RBFOX1: variants seen among roughly 807,000 people sequenced by gnomAD.
The protein encoded by RBFOX1 is RNA binding fox-1 homolog 1.
In RBFOX1, 8 loss-of-function variants were observed where a neutral mutation model predicts 57.7. The observed-to-expected ratio is 0.14, with a 90% CI of 0.08 to 0.25. The LOEUF (loss-of-function observed/expected upper bound fraction) is 0.25. Among genes scored for constraint, RBFOX1 ranks in the 10% least tolerant of loss-of-function variants. RBFOX1 has a pLI of 1.00. For missense variants in RBFOX1, 611 were observed against 548.5 expected, an observed-to-expected ratio of 1.11 and a Z score of -1.14; for synonymous variants, 326 against 222.4, an observed-to-expected ratio of 1.47 and a Z score of -4.15.
At position 5,504,077 on chromosome 16, in the gene RBFOX1, C is replaced by A. The variant is rs114637777; in HGVS notation, c.258+36823C>A. On this transcript the variant is annotated intron_variant, in intron 2 of 2. Coordinates refer to the RBFOX1 transcript ENST00000585867. ...CTTCCTGGCATCTGGAGCAGCATCT[C>A]CAGAGGGCGATGGCTGGGGGCGGAG... Among the ~76,000 whole-genome samples the A allele has an allele frequency of 8.1e-3, 1,240 of 152,310 alleles. 14 individuals are homozygous for A. The highest frequency in any genetic ancestry group is 0.043 in the East Asian group (222 of 5,176).
At chr16:6,426,098 C>T (rs1159492908) in intron 2 of RBFOX1, among the ~76,000 whole-genome samples, 2 of 151,888 alleles carry the variant, frequency 1.3e-5, no homozygotes, top group Non-Finnish European at 2.9e-5. Context: ...CTCTCTCTCT[C>T]TCTCTCTCCC....
intron 3 of RBFOX1, among the ~76,000 whole-genome samples, chr16:6,931,411 G>A (rs2076542065): frequency 6.6e-6 from 1 of 151,550 alleles, no homozygotes; most frequent in Non-Finnish European, 1.5e-5. Context: ...ATGTGTGCAT[G>A]AACCACTAAA....
rs57556084 is a variant in RBFOX1 at position 6,925,109 on chromosome 16, G to GTTTTTTTTTTTT, written c.-15-126917_-15-126906dup. 4.4e-4 allele frequency among the ~76,000 whole-genome samples: 20 copies of GTTTTTTTTTTTT among 45,250 alleles called. 6 individuals are homozygous for GTTTTTTTTTTTT. Among genetic ancestry groups the GTTTTTTTTTTTT allele is most frequent in the African/African-American group, 7.9e-4 (9 of 11,332 alleles). The allele number at this position is 45,250 out of a possible 152,430, so 29.7% of individuals were successfully genotyped here. On this transcript the variant is annotated intron_variant, in intron 3 of 15. Transcript: ENST00000550418. ...TCGTTGTTGGACATCTAGGTTGTTGGTTTTTTTTTTTTTTTTTTTTTTTTT... is the reference window on the plus strand; with the variant it reads ...TCGTTGTTGGACATCTAGGTTGTTGGTTTTTTTTTTTTTTTTTTTTTTTTTTTTTTTTTTTTT...
chr16:6,488,537 G>C (rs1280561634), intron 2 of RBFOX1, among the ~76,000 whole-genome samples: 1 of 152,110 alleles, frequency 6.6e-6, no homozygotes, highest in Non-Finnish European at 1.5e-5. Context: ...TTTAGAGATG[G>C]AGAAACAATT....
At chr16:7,378,481 G>C (rs2097726127) in intron 4 of RBFOX1, among the ~76,000 whole-genome samples, 1 of 152,108 alleles carries the variant, frequency 6.6e-6, no homozygotes, top group South Asian at 2.1e-4. Flanking sequence ...TGAGCCGGCT[G>C]GTACTTGTGT....
At chr16:7,010,592 C>G (rs758677944) in intron 3 of RBFOX1, among the ~76,000 whole-genome samples, 1 of 151,980 alleles carries the variant, frequency 6.6e-6, no homozygotes, top group Admixed American at 6.6e-5. Flanking sequence ...CTCTGTCACC[C>G]AGGCTAGAGT....
At chr16:6,390,522 C>G (rs2092547237) in intron 2 of RBFOX1, among the ~76,000 whole-genome samples, 1 of 151,184 alleles carries the variant, frequency 6.6e-6, no homozygotes, top group Non-Finnish European at 1.5e-5. Flanking sequence ...GGTGTCAGCC[C>G]TTTTGCAACT....
intron 4 of RBFOX1, among the ~76,000 whole-genome samples, chr16:7,447,259 C>G (rs545860343): frequency 6.6e-6 from 1 of 151,538 alleles, no homozygotes; most frequent in Non-Finnish European, 1.5e-5. Flanking sequence ...TGGGGAAACC[C>G]CCATCTCTAC....
At chr16:6,419,691 T>C (rs1436202186) in intron 2 of RBFOX1, among the ~76,000 whole-genome samples, 1 of 152,078 alleles carries the variant, frequency 6.6e-6, no homozygotes, top group Non-Finnish European at 1.5e-5. Context: ...ATCCCACCAT[T>C]CCCGTTCTTC....
chr16:6,921,641 AT>A (rs1950876711), intron 3 of RBFOX1, among the ~76,000 whole-genome samples: 6 of 88,770 alleles, frequency 6.8e-5, no homozygotes, highest in Non-Finnish European at 1.3e-4. Flanking sequence ...ATATATATAT[AT>A]ATATTTTTTT....
chr16:5,537,523 T>C (rs1351594322), intron 2 of RBFOX1, among the ~76,000 whole-genome samples: 1 of 152,178 alleles, frequency 6.6e-6, no homozygotes, highest in East Asian at 1.9e-4. Context: ...GAGGGGGGAA[T>C]CTGTTTCCTT....
chr16:6,941,385 C>T (rs865899175), intron 3 of RBFOX1, among the ~76,000 whole-genome samples: 16 of 146,956 alleles, frequency 1.1e-4, no homozygotes, highest in African/African-American at 1.3e-4. Flanking sequence ...AGTAGATTAG[C>T]CGTGTGGAAA....
rs933156125 is a variant in RBFOX1, at chr16:6,978,559, G to A, written c.-15-73498G>A. Among the ~76,000 whole-genome samples the A allele has an allele frequency of 2.6e-4, 39 of 151,146 alleles. 1 individual carries two copies. Among genetic ancestry groups the A allele is most frequent in the Admixed American group, 2.4e-3 (37 of 15,190 alleles). On this transcript the variant is annotated intron_variant, in intron 3 of 15. Transcript: ENST00000550418. ...GTTAAAGTAACTCACTACAGTCATA[G>A]AGCCCCTTTCTCCTTTCTATATTCT...
chr16:7,685,592 AAG>A (rs1474002462), intron 14 of RBFOX1, among the ~76,000 whole-genome samples: 2 of 152,128 alleles, frequency 1.3e-5, no homozygotes, highest in African/African-American at 2.4e-5. Flanking sequence ...TATAAACTGA[AAG>A]AGGTGGTGCA....
chr16:6,374,854 C>G (rs537551006), intron 2 of RBFOX1, among the ~76,000 whole-genome samples: 1 of 152,290 alleles, frequency 6.6e-6, no homozygotes, highest in South Asian at 2.1e-4. Flanking sequence ...GAACAAATAA[C>G]TTCTGAGTGA....
intron 3 of RBFOX1, among the ~76,000 whole-genome samples, chr16:6,871,893 TTGAG>T (rs904443875): frequency 4.1e-5 from 6 of 145,070 alleles, no homozygotes; most frequent in African/African-American, 1.5e-4. Context: ...TCCAGGCTCT[TTGAG>T]AGAGGGAGAG....
intron 2 of RBFOX1, among the ~76,000 whole-genome samples, chr16:5,597,717 G>T (rs1434655443): frequency 2.0e-5 from 3 of 152,156 alleles, no homozygotes; most frequent in African/African-American, 7.2e-5. Context: ...TTTGAGGCAG[G>T]AGCAGTTCCC....
At chr16:6,062,243 G>C (rs11641970) in intron 1 of RBFOX1, among the ~76,000 whole-genome samples, 52,283 of 151,702 alleles carry the variant, frequency 0.34, 9,100 homozygotes, top group Non-Finnish European at 0.37. Flanking sequence ...TCATTAAATA[G>C]GTTTGATTGA....
chr16:6,530,758 C>CG (rs1599016678), intron 2 of RBFOX1, among the ~76,000 whole-genome samples: 1 of 138,982 alleles, frequency 7.2e-6, no homozygotes, highest in Non-Finnish European at 1.6e-5. Flanking sequence ...GTCCCTTCCC[C>CG]ACCCCCATCT....
Sources: gnomAD v4.1 joint callset for allele counts (sites outside exome capture counted in the v4.1 genomes callset) on GRCh38, gnomAD v4.1.1 for gene constraint, MANE v1.5 for transcripts, NCBI Gene and HGNC (gene_info 2026-07-23, HGNC 2026-07-21) for gene names.